CORIN: variants seen among roughly 807,000 people sequenced by gnomAD.
CORIN encodes the protein atrial natriuretic peptide-converting enzyme.
In CORIN, 117 loss-of-function variants were observed where a neutral mutation model predicts 125.3. The observed-to-expected ratio is 0.93, with a 90% CI of 0.80 to 1.09. The LOEUF is 1.09. Ranked by LOEUF, CORIN falls within the 50% of genes least tolerant of loss-of-function variation. CORIN has a pLI of 0.00. For synonymous variants in CORIN, 450 were observed against 466.4 expected (o/e 0.96, Z 0.45); for missense variants, 1,253 against 1,306.7 (o/e 0.96, Z 0.63).
intron 19 of CORIN, among the ~76,000 whole-genome samples, chr4:47,616,570 G>A (rs1722075571): frequency 6.6e-6 from 1 of 152,192 alleles, no homozygotes; most frequent in African/African-American, 2.4e-5. Flanking sequence ...AAATACTGGA[G>A]AGGGTTCCAG....
At chr4:47,606,523 GTGCTAGGAC>G (rs1721649571) in intron 19 of CORIN, among the ~76,000 whole-genome samples, 1 of 152,110 alleles carries the variant, frequency 6.6e-6, no homozygotes, top group South Asian at 2.1e-4. Context: ...GCCTCCTAAA[GTGCTAGGAC>G]TGCAGGCCAC....
intron 7 of CORIN, chr4:47,681,930 C>A (rs972890070): frequency 6.6e-6 from 1 of 151,730 alleles, no homozygotes; most frequent in Admixed American, 6.6e-5. Flanking sequence ...AAATATGGTA[C>A]ATCTACACAA....
chr4:47,720,709 C>T (rs1056299787), intron 5 of CORIN, among the ~76,000 whole-genome samples: 4 of 152,160 alleles, frequency 2.6e-5, no homozygotes, highest in African/African-American at 9.7e-5. Context: ...TATTAAGTGC[C>T]TGCAAGAGAT....
chr4:47,667,021 C>T (rs1390700073), intron 10 of CORIN, among the ~76,000 whole-genome samples: 1 of 152,176 alleles, frequency 6.6e-6, no homozygotes, highest in Non-Finnish European at 1.5e-5. Flanking sequence ...ATAATCCCCA[C>T]TTGTTGTGGG....
At chr4:47,837,531 G>A (rs1357411157) in intron 1 of CORIN, 1 of 390,894 alleles carries the variant, frequency 2.6e-6, no homozygotes, top group African/African-American at 2.1e-5. Flanking sequence ...CTAGATGCTT[G>A]GAGGGCACCG....
chr4:47,818,259 G>A (rs967070758), intron 1 of CORIN, among the ~76,000 whole-genome samples: 1 of 152,198 alleles, frequency 6.6e-6, no homozygotes, highest in Non-Finnish European at 1.5e-5. Flanking sequence ...TGAGCAGGTA[G>A]GCTGAGCAGA....
At chr4:47,804,736 A>AGGGGGGGGGGGGGGG (rs1213620706) in intron 2 of CORIN, among the ~76,000 whole-genome samples, 8 of 17,590 alleles carry the variant, frequency 4.5e-4, no homozygotes, top group Non-Finnish European at 6.8e-4. Flanking sequence ...GGGGGTGGGG[A>AGGGGGGGGGGGGGGG]GGGGGGGGGT....
chr4:47,600,367 G>A lies in CORIN; in HGVS notation c.2813-20C>T, dbSNP rs1272340271. 1.3e-6 allele frequency: 2 copies of A among 1,584,822 alleles called. No homozygotes were observed. Among genetic ancestry groups the A allele is most frequent in the South Asian group, 1.1e-5 (1 of 87,832 alleles). On this transcript the variant is annotated intron_variant, in intron 20 of 21. Coordinates refer to ENST00000273857, the MANE Select transcript of CORIN (RefSeq NM_006587.4). ...ATGGCACTGAATTTTTAAAAAATAA[G>A]AATATATATATGATGATAAAATGAC... is the stretch of plus-strand genomic sequence containing the variant.
chr4:47,783,936 T>C (rs1730667549), intron 3 of CORIN, among the ~76,000 whole-genome samples: 1 of 152,150 alleles, frequency 6.6e-6, no homozygotes. Flanking sequence ...TTAATAATGT[T>C]ACGGCAAAGA....
intron 7 of CORIN, chr4:47,682,271 A>C (rs28879206): frequency 0.29 from 44,265 of 151,516 alleles, 7,167 homozygotes; most frequent in Non-Finnish European, 0.35. Flanking sequence ...AAGAAACCCC[A>C]TCTCTACTAA....
In CORIN at chr4:47,623,685, C is replaced by T. The variant is rs750996817; in HGVS notation, c.2426G>A (p.Arg809His). ...NKRILGGRTS[R>H]PGRWPWQCSL... Reference sequence around the variant, plus strand: ...ACACTGCCATGGCCACCTTCCAGGGCGACTCGTCCGACCTCCAAGGATCCT... The same window carrying T: ...ACACTGCCATGGCCACCTTCCAGGGTGACTCGTCCGACCTCCAAGGATCCT... Residue 809 changes from arginine (R) to histidine (H), a missense_variant, in exon 19 of 22, where the codon CGC (arginine) becomes CAC (histidine). Arg to His is a conservative substitution (Grantham distance 29). Coordinates refer to ENST00000273857, the MANE Select transcript of CORIN (RefSeq NM_006587.4). 28 of 1,614,112 alleles carry T rather than the reference C, an allele frequency of 1.7e-5. No individual in the cohort carries two copies. The highest frequency in any genetic ancestry group is 8.9e-5 in the East Asian group (4 of 44,906).
At chr4:47,703,714 T>G (rs1200213334) in intron 5 of CORIN, among the ~76,000 whole-genome samples, 2 of 152,196 alleles carry the variant, frequency 1.3e-5, no homozygotes, top group Non-Finnish European at 2.9e-5. Flanking sequence ...GGCTGGGAAG[T>G]GTACAACTCA....
intron 2 of CORIN, among the ~76,000 whole-genome samples, chr4:47,804,065 A>C (rs1032573197): frequency 6.6e-6 from 1 of 152,248 alleles, no homozygotes. Context: ...GACATTTTTC[A>C]AAATAAGGCA....
chr4:47,644,100 T>C (rs920385614), intron 14 of CORIN, among the ~76,000 whole-genome samples: 1 of 152,206 alleles, frequency 6.6e-6, no homozygotes, highest in Non-Finnish European at 1.5e-5. Context: ...GTGCTTCTTT[T>C]TGCAGTTCAG....
At chr4:47,771,578 T>C (rs1577909145) in intron 3 of CORIN, among the ~76,000 whole-genome samples, 2 of 152,162 alleles carry the variant, frequency 1.3e-5, no homozygotes, top group East Asian at 1.9e-4. Context: ...TTTTTCCTGA[T>C]TCTTTCCCTC....
chr4:47,619,220 A>AT (rs1449949900), intron 19 of CORIN, among the ~76,000 whole-genome samples: 11 of 152,290 alleles, frequency 7.2e-5, no homozygotes, highest in Non-Finnish European at 1.3e-4. Flanking sequence ...CCATCTCATG[A>AT]TTTTAAATTT....
chr4:47,813,327 T>A (rs1050331978), intron 1 of CORIN, among the ~76,000 whole-genome samples: 5 of 152,214 alleles, frequency 3.3e-5, no homozygotes, highest in Admixed American at 2.6e-4. Context: ...GAAACCATAG[T>A]CCAAGTCCTT....
chr4:47,819,065 T>A (rs1010391330), intron 1 of CORIN, among the ~76,000 whole-genome samples: 1 of 151,858 alleles, frequency 6.6e-6, no homozygotes, highest in African/African-American at 2.4e-5. Context: ...TAATAGAAAA[T>A]TTATGGAATT....
At chr4:47,766,151 C>T (rs1051904255) in intron 3 of CORIN, among the ~76,000 whole-genome samples, 1 of 152,146 alleles carries the variant, frequency 6.6e-6, no homozygotes, top group African/African-American at 2.4e-5. Context: ...ACCACTTCTA[C>T]CCTTATCTTT....
Sources: allele counts gnomAD v4.1 joint callset (sites outside exome capture counted in the v4.1 genomes callset), GRCh38; gene constraint gnomAD v4.1.1; transcripts MANE v1.5; gene names NCBI Gene and HGNC (gene_info 2026-07-23, HGNC 2026-07-21).